AOAH: variants seen among roughly 807,000 people sequenced by gnomAD.
AOAH encodes acyloxyacyl hydrolase.
Under a neutral mutation model 92.2 loss-of-function variants are expected in AOAH, and 64 were observed. The ratio of observed to expected loss-of-function variants is 0.69; its 90% CI spans 0.57 to 0.86. The LOEUF is 0.86. Among genes scored for constraint, AOAH ranks in the 40% least tolerant of loss-of-function variants. The pLI is 0.00. For synonymous variants in AOAH, 263 were observed against 254.5 expected, an observed-to-expected ratio of 1.03 and a Z score of -0.32; for missense variants, 656 against 694.6, an observed-to-expected ratio of 0.94 and a Z score of 0.62.
At chr7:36,671,979 A>G (rs1400332224) in intron 3 of AOAH, among the ~76,000 whole-genome samples, 2 of 152,198 alleles carry the variant, frequency 1.3e-5, no homozygotes, top group East Asian at 3.8e-4. Context: ...TTAGGTTTGC[A>G]TTAAAACATA....
At chr7:36,625,793 C>T (rs1025204600) in intron 6 of AOAH, among the ~76,000 whole-genome samples, 1 of 152,158 alleles carries the variant, frequency 6.6e-6, no homozygotes, top group African/African-American at 2.4e-5. Flanking sequence ...CCCGAGTGGG[C>T]TCAGAGGCTG....
At chr7:36,620,902 TG>T in intron 8 of AOAH, 73 bp from the exon 9 acceptor site, 1 of 1,221,588 alleles carries the variant, frequency 8.2e-7, no homozygotes, top group Non-Finnish European at 1.2e-6. Context: ...CATGCATGAA[TG>T]AATGAATGAA....
At chr7:36,656,235 C>T (rs559421727) in intron 4 of AOAH, among the ~76,000 whole-genome samples, 17 of 152,272 alleles carry the variant, frequency 1.1e-4, no homozygotes, top group East Asian at 1.9e-4. Context: ...TCACCCAACA[C>T]GGGATGAAAC....
chr7:36,620,721 G>A, intron 9 of AOAH, 60 bp downstream of exon 9: 1 of 1,519,968 alleles, frequency 6.6e-7, no homozygotes, highest in Admixed American at 1.7e-5. Context: ...AATATGTGAT[G>A]AGCTTTAGGG....
chr7:36,588,605 G>A (rs1435470826), intron 12 of AOAH, among the ~76,000 whole-genome samples: 2 of 152,176 alleles, frequency 1.3e-5, no homozygotes, highest in Admixed American at 1.3e-4. Context: ...ATGAAATTAG[G>A]TTAGCAAATT....
At position 36,540,729 on chromosome 7, in the gene AOAH, G is replaced by T. The variant is rs1489763977; in HGVS notation, c.1134-238C>A. Reference sequence around the variant, plus strand: ...TGACTAGTTCTAACCAATGAGTGGTGAGCTGAAGTGACATGTGTCATATTT... The same window carrying T: ...TGACTAGTTCTAACCAATGAGTGGTTAGCTGAAGTGACATGTGTCATATTT... On this transcript the variant is annotated intron_variant, in intron 15 of 20. Transcript: ENST00000617537. Among the ~76,000 whole-genome samples the T allele has an allele frequency of 3.9e-5, 6 of 152,334 alleles. 1 individual carries two copies. Among genetic ancestry groups the T allele is most frequent in the Admixed American group, 3.3e-4 (5 of 15,306 alleles).
chr7:36,650,425 T>C (rs1210231562), intron 4 of AOAH, among the ~76,000 whole-genome samples: 1 of 152,120 alleles, frequency 6.6e-6, no homozygotes, highest in Admixed American at 6.6e-5. Context: ...CAAGTGGGGA[T>C]GCATGGTTTT....
At chr7:36,645,595 G>T (rs1241310244) in intron 4 of AOAH, among the ~76,000 whole-genome samples, 1 of 152,096 alleles carries the variant, frequency 6.6e-6, no homozygotes, top group African/African-American at 2.4e-5. Context: ...AGTGAAATTT[G>T]CAGGTCTGTT....
At chr7:36,607,073 G>A (rs935529668) in intron 11 of AOAH, among the ~76,000 whole-genome samples, 1 of 152,128 alleles carries the variant, frequency 6.6e-6, no homozygotes, top group African/African-American at 2.4e-5. Flanking sequence ...GGACTCCCGG[G>A]TGCCCCACTA....
In AOAH at chr7:36,714,779, G is replaced by A. The variant is rs572009415; in HGVS notation, c.127+9243C>T. 5.9e-5 allele frequency among the ~76,000 whole-genome samples: 9 copies of A among 151,968 alleles called. No homozygotes were observed. In the South Asian group the frequency reaches 6.2e-4, roughly 10 times the overall value. On this transcript the variant is annotated intron_variant, in intron 1 of 20. Transcript: ENST00000617537. The stretch of plus-strand genomic sequence containing the variant: ...AAGGCCTTTGACAAAATTCAACAAC[G>A]CTTCATGCTAAAATCTCTCAATAAA...
At chr7:36,543,922 C>CT (rs1785588648) in intron 15 of AOAH, among the ~76,000 whole-genome samples, 1 of 131,470 alleles carries the variant, frequency 7.6e-6, no homozygotes, top group Non-Finnish European at 1.7e-5. Context: ...GTTTTCTTTT[C>CT]TTTTTCTTTT....
At chr7:36,553,606 G>A (rs1036186990) in intron 13 of AOAH, among the ~76,000 whole-genome samples, 1 of 152,134 alleles carries the variant, frequency 6.6e-6, no homozygotes, top group African/African-American at 2.4e-5. Flanking sequence ...CCCACCAACA[G>A]TGTAAAAGTG....
intron 13 of AOAH, among the ~76,000 whole-genome samples, chr7:36,558,777 G>C (rs1431926051): frequency 6.6e-6 from 1 of 152,260 alleles, no homozygotes; most frequent in African/African-American, 2.4e-5. Flanking sequence ...GACCCTCTGA[G>C]CCATGTGCAG....
At chr7:36,616,715 C>T (rs534764450) in intron 10 of AOAH, among the ~76,000 whole-genome samples, 3 of 152,288 alleles carry the variant, frequency 2.0e-5, no homozygotes, top group African/African-American at 7.2e-5. Flanking sequence ...TTTCCCAGCT[C>T]AGCATAAAAC....
At chr7:36,678,877 G>T (rs1379786504) in intron 2 of AOAH, among the ~76,000 whole-genome samples, 2 of 152,150 alleles carry the variant, frequency 1.3e-5, no homozygotes, top group East Asian at 3.9e-4. Context: ...TAACCTGATT[G>T]TTACTGATAC....
intron 4 of AOAH, among the ~76,000 whole-genome samples, chr7:36,651,034 G>A (rs1470835132): frequency 2.6e-5 from 4 of 152,164 alleles, no homozygotes; most frequent in African/African-American, 7.2e-5. Flanking sequence ...AGGGGCTGAC[G>A]CAGGCGAGGT....
Position 36,686,025 on chromosome 7 carries a change from T to C in AOAH, c.223+674A>G, listed in dbSNP as rs185987898. On this transcript the variant is annotated intron_variant, in intron 2 of 20. Coordinates refer to ENST00000617537, the MANE Select transcript of AOAH (RefSeq NM_001637.4). The stretch of plus-strand genomic sequence containing the variant: ...CCTAGATGAATTAGTTCCCATTAAG[T>C]GAATAAAAATTTGACTGTCAAAGAA... Among the ~76,000 whole-genome samples the C allele has an allele frequency of 5.8e-4, 88 of 152,170 alleles. 1 individual carries two copies. Among genetic ancestry groups the C allele is most frequent in the Middle Eastern group, 6.8e-3 (2 of 294 alleles).
At chr7:36,531,040 G>C (rs1396033512) in intron 18 of AOAH, among the ~76,000 whole-genome samples, 1 of 152,176 alleles carries the variant, frequency 6.6e-6, no homozygotes, top group African/African-American at 2.4e-5. Context: ...AACAACAAAA[G>C]ATGAAATAAA....
At chr7:36,573,736 G>A (rs777181146) in intron 13 of AOAH, among the ~76,000 whole-genome samples, 47 of 152,104 alleles carry the variant, frequency 3.1e-4, no homozygotes, top group Middle Eastern at 3.4e-3. Flanking sequence ...AAAAAAATGC[G>A]TTATAATCAC....
Sources: allele counts gnomAD v4.1 joint callset (sites outside exome capture counted in the v4.1 genomes callset), GRCh38; gene constraint gnomAD v4.1.1; transcripts MANE v1.5; gene names NCBI Gene and HGNC (gene_info 2026-07-23, HGNC 2026-07-21).